LDB2: variants seen among roughly 807,000 people sequenced by gnomAD.
LDB2 encodes LIM domain binding 2.
A neutral mutation model predicts 44.3 loss-of-function variants in LDB2; 12 were observed. The observed-to-expected ratio is 0.27, with a 90% CI of 0.17 to 0.44. The LOEUF is 0.44. LDB2 is among the 20% of genes least tolerant of loss of function. LDB2 has a pLI of 1.00. For synonymous variants in LDB2, 164 were observed against 174.8 expected (o/e 0.94, Z 0.49); for missense variants, 344 against 473.5 (o/e 0.73, Z 2.54).
At chr4:16,852,646 T>C (rs1788521130) in intron 1 of LDB2, among the ~76,000 whole-genome samples, 1 of 152,220 alleles carries the variant, frequency 6.6e-6, no homozygotes, top group South Asian at 2.1e-4. Flanking sequence ...CTTAGCTATT[T>C]TTAGGATTTT....
chr4:16,809,941 ATTCTT>A (rs1026418671), intron 1 of LDB2, among the ~76,000 whole-genome samples: 3 of 152,190 alleles, frequency 2.0e-5, no homozygotes, highest in African/African-American at 7.2e-5. Flanking sequence ...GCACATATTG[ATTCTT>A]TTCATGTGGT....
chr4:16,812,977 G>A (rs1333815334), intron 1 of LDB2, among the ~76,000 whole-genome samples: 1 of 151,798 alleles, frequency 6.6e-6, no homozygotes, highest in African/African-American at 2.4e-5. Flanking sequence ...CACTTTTGAA[G>A]CAGGCGTGCC....
At chr4:16,694,992 T>C (rs1437827448) in intron 2 of LDB2, among the ~76,000 whole-genome samples, 1 of 152,214 alleles carries the variant, frequency 6.6e-6, no homozygotes, top group Non-Finnish European at 1.5e-5. Flanking sequence ...TACTTACCTT[T>C]CCTTCTTATC....
intron 2 of LDB2, among the ~76,000 whole-genome samples, chr4:16,668,149 G>A (rs1404918806): frequency 6.7e-5 from 8 of 119,324 alleles, no homozygotes; most frequent in East Asian, 2.8e-4. Context: ...TCAGATATAC[G>A]ATAAATATAT....
chr4:16,698,386 C>T (rs1752674111), intron 2 of LDB2, among the ~76,000 whole-genome samples: 1 of 152,150 alleles, frequency 6.6e-6, no homozygotes, highest in Non-Finnish European at 1.5e-5. Flanking sequence ...ACCATTTGCA[C>T]ACCCAGCAGT....
chr4:16,720,935 G>A lies in LDB2; in HGVS notation c.235+38223C>T, dbSNP rs935685283. ...CTAAAGATAGACTAGGCTGATCCAA[G>A]AGATGGAAAGCTCTCCATCTGTCAT... On this transcript the variant is annotated intron_variant, in intron 2 of 7. Transcript: ENST00000304523. 2.0e-5 allele frequency among the ~76,000 whole-genome samples: 3 copies of A among 152,130 alleles called. No individual in the cohort carries two copies. The East Asian group carries it at 5.8e-4, about 29-fold the overall frequency.
At chr4:16,778,757 ATGT>A (rs1465848479) in intron 1 of LDB2, among the ~76,000 whole-genome samples, 1 of 152,184 alleles carries the variant, frequency 6.6e-6, no homozygotes, top group Non-Finnish European at 1.5e-5. Flanking sequence ...AGGGTAGATA[ATGT>A]TGTCATCATC....
At chr4:16,608,894 T>C (rs73799206) in intron 2 of LDB2, among the ~76,000 whole-genome samples, 2,539 of 152,290 alleles carry the variant, frequency 0.017, 65 homozygotes, top group African/African-American at 0.056. Context: ...GGCTTCTCTC[T>C]CTGGCTTCAT....
intron 1 of LDB2, among the ~76,000 whole-genome samples, chr4:16,779,797 C>T (rs1772767172): frequency 6.6e-6 from 1 of 152,110 alleles, no homozygotes; most frequent in Admixed American, 6.5e-5. Context: ...AGCTGGGTGC[C>T]CACTGGAGAT....
At position 16,665,177 on chromosome 4, in the gene LDB2, G is replaced by T. The variant is rs141010181; in HGVS notation, c.236-69302C>A. Among the ~76,000 whole-genome samples, 573 of 152,148 alleles carry T rather than the reference G, an allele frequency of 3.8e-3. 2 individuals carry two copies. Among genetic ancestry groups the T allele is most frequent in the African/African-American group, 0.013 (546 of 41,508 alleles). The stretch of plus-strand genomic sequence containing the variant: ...CCCACTGCAGCCTCCAGTTTGGATC[G>T]GGTCTGAGCCACAGAGGAGGGAAGA... On this transcript the variant is annotated intron_variant, in intron 2 of 7. Coordinates refer to ENST00000304523, the MANE Select transcript of LDB2 (RefSeq NM_001290.5).
chr4:16,605,787 C>T (rs1470943534), intron 2 of LDB2, among the ~76,000 whole-genome samples: 1 of 152,134 alleles, frequency 6.6e-6, no homozygotes, highest in Non-Finnish European at 1.5e-5. Context: ...TGGGCAGATT[C>T]CAGAGACCTC....
chr4:16,855,939 T>C (rs1166958824), intron 1 of LDB2, among the ~76,000 whole-genome samples: 1 of 152,172 alleles, frequency 6.6e-6, no homozygotes, highest in Non-Finnish European at 1.5e-5. Context: ...AGTCCACTGC[T>C]ATGGTTTCAG....
intron 5 of LDB2, among the ~76,000 whole-genome samples, chr4:16,522,276 T>TTGTGTGTGCGTGTGTGTGTGTG (rs61400788): frequency 5.3e-5 from 8 of 150,234 alleles, no homozygotes; most frequent in Non-Finnish European, 7.4e-5. Flanking sequence ...GTGTGTGTGT[T>TTGTGTGTGCGTGTGTGTGTGTG]TGTGTGTGTG....
intron 2 of LDB2, among the ~76,000 whole-genome samples, chr4:16,605,575 T>TA (rs1723710549): frequency 6.6e-6 from 1 of 152,230 alleles, no homozygotes; most frequent in African/African-American, 2.4e-5. Context: ...CTTACAGAAT[T>TA]ATCAAACTCC....
At chr4:16,507,699 A>G (rs1365099552) in intron 7 of LDB2, among the ~76,000 whole-genome samples, 1 of 152,160 alleles carries the variant, frequency 6.6e-6, no homozygotes, top group Non-Finnish European at 1.5e-5. Flanking sequence ...ATAGGGTGGT[A>G]TGACAGGGAC....
chr4:16,754,260 C>T (rs1261269850), intron 2 of LDB2, among the ~76,000 whole-genome samples: 1 of 152,184 alleles, frequency 6.6e-6, no homozygotes, highest in Non-Finnish European at 1.5e-5. Flanking sequence ...GCCTAATCTC[C>T]TCAGTCCTGC....
chr4:16,610,861 A>G (rs1725411423), intron 2 of LDB2, among the ~76,000 whole-genome samples: 1 of 152,220 alleles, frequency 6.6e-6, no homozygotes, highest in Non-Finnish European at 1.5e-5. Context: ...GGAAATACAG[A>G]GAACGCCATT....
intron 1 of LDB2, among the ~76,000 whole-genome samples, chr4:16,762,114 T>G (rs897913978): frequency 3.3e-5 from 5 of 152,052 alleles, no homozygotes; most frequent in African/African-American, 9.7e-5. Flanking sequence ...GAGAATAACT[T>G]GAACCTGTGA....
chr4:16,661,099 C>T (rs1391998619), intron 2 of LDB2, among the ~76,000 whole-genome samples: 1 of 152,106 alleles, frequency 6.6e-6, no homozygotes, highest in Non-Finnish European at 1.5e-5. Flanking sequence ...TTACTTTCCC[C>T]CACCTCCCTA....
Sources: gnomAD v4.1 joint callset for allele counts (sites outside exome capture counted in the v4.1 genomes callset) on GRCh38, gnomAD v4.1.1 for gene constraint, MANE v1.5 for transcripts, NCBI Gene and HGNC (gene_info 2026-07-23, HGNC 2026-07-21) for gene names.